PINX1: variants seen among roughly 807,000 people sequenced by gnomAD.
PINX1 encodes the protein PIN2 (TERF1) interacting telomerase inhibitor 1.
A neutral mutation model predicts 25.4 loss-of-function variants in PINX1; 34 were observed. That is an observed-to-expected ratio of 1.34 (90% confidence interval 1.02 to 1.78). The LOEUF (loss-of-function observed/expected upper bound fraction) is 1.78, where lower values mean the gene tolerates loss of function less well. Ranked by LOEUF, PINX1 falls within the 40% of genes most tolerant of loss-of-function variation. The pLI is 0.00. For missense variants in PINX1, 592 were observed against 404.9 expected, an observed-to-expected ratio of 1.46 and a Z score of -3.97; for synonymous variants, 197 against 147.7, an observed-to-expected ratio of 1.33 and a Z score of -2.42.
Position 10,775,040 on chromosome 8 carries a change from A to C in PINX1, c.472-9124T>G, listed in dbSNP as rs529569787. 5.9e-5 allele frequency among the ~76,000 whole-genome samples: 9 copies of C among 152,290 alleles called. No individual in the cohort carries two copies. In the South Asian group the frequency reaches 1.0e-3, roughly 18 times the overall value. The stretch of plus-strand genomic sequence containing the variant: ...ACTAAACAACAACAAACCAACTACA[A>C]AGCCAATTCTACTCAAGAAAAACCC... On this transcript the variant is annotated intron_variant, in intron 6 of 6. Coordinates refer to ENST00000314787, the MANE Select transcript of PINX1 (RefSeq NM_017884.6).
At chr8:10,812,784 T>A (rs1426260040) in intron 6 of PINX1, among the ~76,000 whole-genome samples, 1 of 152,182 alleles carries the variant, frequency 6.6e-6, no homozygotes, top group Non-Finnish European at 1.5e-5. Context: ...GTCTGTTGCT[T>A]TCAGCAAGTG....
intron 6 of PINX1, among the ~76,000 whole-genome samples, chr8:10,814,743 C>A (rs906180950): frequency 3.9e-5 from 6 of 152,112 alleles, no homozygotes; most frequent in Non-Finnish European, 5.9e-5. Flanking sequence ...ATTTTTATGG[C>A]AACAAAGTCC....
In PINX1 at chr8:10,778,330, T is replaced by C. The variant is rs901399847; in HGVS notation, c.472-12414A>G. 5.3e-5 allele frequency among the ~76,000 whole-genome samples: 8 copies of C among 152,128 alleles called. No homozygotes were observed. In the East Asian group the frequency reaches 5.8e-4, roughly 11 times the overall value. On this transcript the variant is annotated intron_variant, in intron 6 of 6. Coordinates refer to ENST00000314787, the MANE Select transcript of PINX1 (RefSeq NM_017884.6). Reference sequence around the variant, plus strand: ...GGAATATCAATATAAATATGCTAAATTGATATTCCAGGTTGAACATCCCTC... The same window carrying C: ...GGAATATCAATATAAATATGCTAAACTGATATTCCAGGTTGAACATCCCTC...
chr8:10,826,386 G>T, intron 4 of PINX1, 142 bp from the exon 5 acceptor site: 1 of 548,536 alleles, frequency 1.8e-6, no homozygotes, highest in Non-Finnish European at 3.2e-6. Flanking sequence ...CTCTGCAACA[G>T]CACCCTTCTG....
intron 6 of PINX1, among the ~76,000 whole-genome samples, chr8:10,781,553 T>G (rs1801586127): frequency 6.6e-6 from 1 of 152,228 alleles, no homozygotes; most frequent in Non-Finnish European, 1.5e-5. Flanking sequence ...GGACAGGTAT[T>G]TCTCAAAAGA....
At chr8:10,810,669 C>G (rs1397468918) in intron 6 of PINX1, among the ~76,000 whole-genome samples, 6 of 152,228 alleles carry the variant, frequency 3.9e-5, no homozygotes, top group African/African-American at 1.4e-4. Flanking sequence ...AACTACCGAG[C>G]ATGTCAGCAG....
intron 1 of PINX1, among the ~76,000 whole-genome samples, chr8:10,838,582 C>G (rs1047095096): frequency 1.3e-5 from 2 of 152,220 alleles, no homozygotes; most frequent in African/African-American, 4.8e-5. Context: ...GGGCCAAAGT[C>G]GCCAAGTGCA....
chr8:10,812,667 C>A (rs1436817905), intron 6 of PINX1, among the ~76,000 whole-genome samples: 2 of 152,214 alleles, frequency 1.3e-5, no homozygotes, highest in African/African-American at 4.8e-5. Context: ...GCCACTGTCC[C>A]TGAAGGCAAT....
At chr8:10,839,416 G>A (rs1798501187) in intron 1 of PINX1, among the ~76,000 whole-genome samples, 1 of 152,248 alleles carries the variant, frequency 6.6e-6, no homozygotes, top group Admixed American at 6.5e-5. Flanking sequence ...GAAGCAACCA[G>A]TCCGGGACCC....
intron 6 of PINX1, among the ~76,000 whole-genome samples, chr8:10,819,751 A>G (rs754273121): frequency 6.6e-6 from 1 of 152,204 alleles, no homozygotes; most frequent in Admixed American, 6.5e-5. Context: ...CGCTGTCTCA[A>G]ATGCTGTTAG....
chr8:10,768,952 T>C (rs939916851), intron 6 of PINX1, among the ~76,000 whole-genome samples: 1 of 152,170 alleles, frequency 6.6e-6, no homozygotes, highest in Admixed American at 6.5e-5. Context: ...TAACTTGCAT[T>C]TTCCCACATT....
chr8:10,780,966 T>C (rs998533437), intron 6 of PINX1, among the ~76,000 whole-genome samples: 1 of 152,160 alleles, frequency 6.6e-6, no homozygotes, highest in Non-Finnish European at 1.5e-5. Flanking sequence ...TTACAAGCTA[T>C]AGTAATTAAA....
At chr8:10,804,998 A>C (rs543712884) in intron 6 of PINX1, among the ~76,000 whole-genome samples, 2 of 151,970 alleles carry the variant, frequency 1.3e-5, no homozygotes, top group African/African-American at 4.8e-5. Context: ...AATGAAGTGA[A>C]GACTGGTGGC....
At chr8:10,772,369 G>A (rs982983807) in intron 6 of PINX1, among the ~76,000 whole-genome samples, 4 of 152,238 alleles carry the variant, frequency 2.6e-5, no homozygotes, top group South Asian at 2.1e-4. Flanking sequence ...ACGGCCGTTC[G>A]TTGGAAAGCC....
At chr8:10,791,343 G>C (rs777167818) in intron 6 of PINX1, among the ~76,000 whole-genome samples, 1 of 152,116 alleles carries the variant, frequency 6.6e-6, no homozygotes, top group Admixed American at 6.5e-5. Context: ...AGTGACTCCC[G>C]TCCCTCCTCG....
intron 6 of PINX1, among the ~76,000 whole-genome samples, chr8:10,810,296 A>G (rs2129082886): frequency 6.6e-6 from 1 of 152,230 alleles, no homozygotes; most frequent in East Asian, 1.9e-4. Flanking sequence ...TGACTTCCAC[A>G]TTGCTAGTTA....
chr8:10,817,870 T>C (rs147629691), intron 6 of PINX1, among the ~76,000 whole-genome samples: 297 of 152,344 alleles, frequency 1.9e-3, no homozygotes, highest in Non-Finnish European at 3.2e-3. Flanking sequence ...TATCCCCGTG[T>C]TCTCAACCCT....
At chr8:10,777,676 A>T (rs1307226844) in intron 6 of PINX1, among the ~76,000 whole-genome samples, 4 of 152,088 alleles carry the variant, frequency 2.6e-5, no homozygotes, top group Admixed American at 6.5e-5. Context: ...CCTTTTTTTT[A>T]AAAAACACAT....
intron 4 of PINX1, among the ~76,000 whole-genome samples, chr8:10,831,376 T>C (rs1054624160): frequency 7.9e-5 from 12 of 152,216 alleles, no homozygotes; most frequent in Non-Finnish European, 1.5e-4. Flanking sequence ...TCTATAGCAC[T>C]GTAGGGTGAC....
Sources: allele counts gnomAD v4.1 joint callset (sites outside exome capture counted in the v4.1 genomes callset), GRCh38; gene constraint gnomAD v4.1.1; transcripts MANE v1.5; gene names NCBI Gene and HGNC (gene_info 2026-07-23, HGNC 2026-07-21).